The following ADCY8 variants were observed in gnomAD, a reference collection of about 807,000 sequenced individuals.
The protein encoded by ADCY8 is adenylate cyclase 8, also known as adenylate cyclase type 8.
A neutral mutation model predicts 119.7 loss-of-function variants in ADCY8; 51 were observed. The ratio of observed to expected loss-of-function variants is 0.43; its 90% CI spans 0.34 to 0.54. The LOEUF (loss-of-function observed/expected upper bound fraction) is 0.54. ADCY8 is among the 20% of genes least tolerant of loss of function. The pLI, the probability that ADCY8 is intolerant of heterozygous loss-of-function variation, is 0.03. For synonymous variants in ADCY8, 665 were observed against 651.0 expected (o/e 1.02, Z -0.33); for missense variants, 1,383 against 1,598.8 (o/e 0.87, Z 2.30).
chr8:130,868,130 G>A (rs1818193626), intron 8 of ADCY8, among the ~76,000 whole-genome samples, 184 bp from the exon 9 acceptor site: 2 of 152,124 alleles, frequency 1.3e-5, no homozygotes, highest in South Asian at 4.2e-4. Context: ...TGAGAGCCCA[G>A]GAGTAAATAC....
intron 2 of ADCY8, among the ~76,000 whole-genome samples, chr8:130,964,324 T>G (rs914586226): frequency 4.6e-5 from 7 of 152,238 alleles, no homozygotes; most frequent in Non-Finnish European, 7.3e-5. Context: ...GTAAACAGAT[T>G]TATAAATACC....
At chr8:130,815,583 A>G (rs1406055948) in intron 13 of ADCY8, among the ~76,000 whole-genome samples, 1 of 152,260 alleles carries the variant, frequency 6.6e-6, no homozygotes, top group African/African-American at 2.4e-5. Context: ...CTAAGATCAC[A>G]CATGAGTTAG....
intron 7 of ADCY8, among the ~76,000 whole-genome samples, chr8:130,898,719 C>T (rs1819493381): frequency 6.6e-6 from 1 of 152,196 alleles, no homozygotes; most frequent in Admixed American, 6.5e-5. Flanking sequence ...CCTCAGTTCT[C>T]TTGGCATATC....
At chr8:130,803,124 A>G (rs1368279609) in intron 14 of ADCY8, among the ~76,000 whole-genome samples, 1 of 152,214 alleles carries the variant, frequency 6.6e-6, no homozygotes, top group Non-Finnish European at 1.5e-5. Context: ...GAAGAACCCA[A>G]ACAAAGACAC....
chr8:130,810,500 A>G (rs568738730), intron 14 of ADCY8, among the ~76,000 whole-genome samples: 3 of 152,318 alleles, frequency 2.0e-5, no homozygotes, highest in African/African-American at 7.2e-5. Context: ...GCATAAAGAA[A>G]GTAGGGCATA....
At chr8:130,993,680 C>G (rs1438169116) in intron 1 of ADCY8, among the ~76,000 whole-genome samples, 1 of 152,118 alleles carries the variant, frequency 6.6e-6, no homozygotes. Context: ...TTCTGTCTTG[C>G]CTGCCACCAT....
At chr8:130,970,213 G>T (rs571311021) in intron 2 of ADCY8, among the ~76,000 whole-genome samples, 43 of 152,278 alleles carry the variant, frequency 2.8e-4, no homozygotes, top group Non-Finnish European at 5.3e-4. Flanking sequence ...TGCACAGCAG[G>T]AGGTAAGCAG....
intron 3 of ADCY8, among the ~76,000 whole-genome samples, chr8:130,949,343 CCTT>C (rs1330702869): frequency 6.6e-6 from 1 of 152,074 alleles, no homozygotes; most frequent in Non-Finnish European, 1.5e-5. Context: ...ATTTTTCCCT[CCTT>C]CTTTCTCCAT....
chr8:130,872,982 A>G (rs1402903332), intron 8 of ADCY8, among the ~76,000 whole-genome samples: 1 of 152,232 alleles, frequency 6.6e-6, no homozygotes, highest in African/African-American at 2.4e-5. Flanking sequence ...ATGAGGGTCA[A>G]TGGGTTTTTA....
At chr8:131,037,177 G>A (rs1310170854) in intron 1 of ADCY8, among the ~76,000 whole-genome samples, 2 of 152,130 alleles carry the variant, frequency 1.3e-5, no homozygotes, top group African/African-American at 4.8e-5. Context: ...TTGGTAAAAG[G>A]TGACTCAACC....
At chr8:130,921,824 G>A (rs1264832118) in intron 5 of ADCY8, among the ~76,000 whole-genome samples, 2 of 152,034 alleles carry the variant, frequency 1.3e-5, no homozygotes, top group African/African-American at 4.8e-5. Flanking sequence ...AACATTTATG[G>A]CATCAGATGG....
chr8:130,856,366 T>C (rs377166855), intron 9 of ADCY8, among the ~76,000 whole-genome samples: 15 of 152,128 alleles, frequency 9.9e-5, no homozygotes, highest in Admixed American at 6.6e-4. Flanking sequence ...CTGATGTTTG[T>C]TGAGTGTTTG....
chr8:130,909,331 T>C (rs551587676), intron 6 of ADCY8, among the ~76,000 whole-genome samples: 1 of 152,338 alleles, frequency 6.6e-6, no homozygotes, highest in South Asian at 2.1e-4. Flanking sequence ...GTCTTAATCC[T>C]GGCTGCCCAT....
intron 12 of ADCY8, 119 bp from the exon 13 acceptor site, chr8:130,821,539 A>G: frequency 2.8e-6 from 2 of 708,422 alleles, no homozygotes; most frequent in Non-Finnish European, 4.9e-6. Flanking sequence ...TTCAGCACCT[A>G]TTATGTGATA....
At position 130,847,531 on chromosome 8, in the gene ADCY8, A is replaced by AG. The variant is rs551770382; in HGVS notation, c.2413-19_2413-18insC. 6 of 1,583,700 alleles carry AG rather than the reference A, an allele frequency of 3.8e-6. No individual in the cohort carries two copies. The highest frequency in any genetic ancestry group is 5.1e-6 in the Non-Finnish European group (6 of 1,166,948). On this transcript the variant is annotated intron_variant, in intron 10 of 17. Transcript: ENST00000286355. ...CACCACAGCTGCGGATTAAAAAAAA[A>AG]AAAAAAAGAACAACAAAAACAAAAA... is the stretch of plus-strand genomic sequence containing the variant.
chr8:130,901,658 T>C (rs1819607941), intron 7 of ADCY8, among the ~76,000 whole-genome samples: 1 of 152,224 alleles, frequency 6.6e-6, no homozygotes, highest in African/African-American at 2.4e-5. Flanking sequence ...AGTACAAACA[T>C]TGAATACTTG....
chr8:130,789,378 C>T (rs947913843), intron 15 of ADCY8, among the ~76,000 whole-genome samples: 4 of 152,140 alleles, frequency 2.6e-5, no homozygotes, highest in Non-Finnish European at 5.9e-5. Flanking sequence ...CAACAGCCCT[C>T]GTCTGTCATC....
intron 2 of ADCY8, among the ~76,000 whole-genome samples, chr8:130,972,238 A>G (rs1821945017): frequency 6.6e-6 from 1 of 152,242 alleles, no homozygotes; most frequent in Admixed American, 6.5e-5. Context: ...CAAGCCCTGT[A>G]CATGAATCAT....
chr8:130,831,591 T>C (rs1456321311), intron 12 of ADCY8, among the ~76,000 whole-genome samples: 1 of 152,186 alleles, frequency 6.6e-6, no homozygotes, highest in African/African-American at 2.4e-5. Flanking sequence ...TGATTTCCCA[T>C]GGTTCGAATA....
Sources: gnomAD v4.1 joint callset for allele counts (sites outside exome capture counted in the v4.1 genomes callset) on GRCh38, gnomAD v4.1.1 for gene constraint, MANE v1.5 for transcripts, NCBI Gene and HGNC (gene_info 2026-07-23, HGNC 2026-07-21) for gene names.